The following PLD5 variants were observed in gnomAD, a reference collection of about 807,000 sequenced individuals.
PLD5 encodes the protein phospholipase D family member 5, also known as inactive phospholipase D5.
Under a neutral mutation model 61.1 loss-of-function variants are expected in PLD5, and 36 were observed. The ratio of observed to expected loss-of-function variants is 0.59; its 90% CI spans 0.45 to 0.78. The LOEUF is 0.78. Ranked by LOEUF, PLD5 falls within the 30% of genes least tolerant of loss-of-function variation. PLD5 has a pLI of 0.00. For missense variants in PLD5, 515 were observed against 644.4 expected (o/e 0.80, Z 2.17); for synonymous variants, 243 against 242.8 (o/e 1.00, Z -0.01).
chr1:242,382,973 T>C (rs1662386584), intron 1 of PLD5, among the ~76,000 whole-genome samples: 1 of 152,192 alleles, frequency 6.6e-6, no homozygotes, highest in South Asian at 2.1e-4. Context: ...AAGTGATAGC[T>C]TTCAGGACAG....
At chr1:242,289,593 T>C (rs556262385) in intron 2 of PLD5, among the ~76,000 whole-genome samples, 33 of 151,806 alleles carry the variant, frequency 2.2e-4, no homozygotes, top group Admixed American at 2.0e-3. Context: ...CCTCTCATGA[T>C]CCCCCCCTGC....
At chr1:242,458,066 G>T (rs900658225) in intron 1 of PLD5, among the ~76,000 whole-genome samples, 1 of 152,136 alleles carries the variant, frequency 6.6e-6, no homozygotes, top group African/African-American at 2.4e-5. Context: ...AACTTGGGCT[G>T]TCACACTACT....
intron 1 of PLD5, among the ~76,000 whole-genome samples, chr1:242,380,580 T>C (rs1005606499): frequency 1.3e-5 from 2 of 152,122 alleles, no homozygotes; most frequent in African/African-American, 4.8e-5. Context: ...CATTTATCTA[T>C]CTATGTATAT....
At chr1:242,404,875 A>ATTTTTTTTTGTTTTTTTTTTTTTTT (rs1664139989) in intron 1 of PLD5, among the ~76,000 whole-genome samples, 1 of 75,408 alleles carries the variant, frequency 1.3e-5, no homozygotes, top group African/African-American at 6.1e-5. Context: ...TTCCCTGCTA[A>ATTTTTTTTTGTTTTTTTTTTTTTTT]TTTTTTTTTT....
intron 4 of PLD5, among the ~76,000 whole-genome samples, chr1:242,236,979 A>G (rs1671676309): frequency 6.6e-6 from 1 of 152,252 alleles, no homozygotes; most frequent in Non-Finnish European, 1.5e-5. Flanking sequence ...AAAATAAAAA[A>G]GAATCCAGGA....
chr1:242,194,611 T>TA (rs1421619940), intron 5 of PLD5, among the ~76,000 whole-genome samples: 1 of 80,742 alleles, frequency 1.2e-5, no homozygotes, highest in African/African-American at 4.8e-5. Context: ...TCTATGTATC[T>TA]ATCTATGTAT....
intron 1 of PLD5, among the ~76,000 whole-genome samples, chr1:242,431,918 C>A (rs538618811): frequency 4.6e-5 from 7 of 152,082 alleles, no homozygotes; most frequent in African/African-American, 1.4e-4. Context: ...CTAATCCTAC[C>A]GTAAGAGGTA....
chr1:242,498,027 C>T (rs764182731), intron 1 of PLD5, among the ~76,000 whole-genome samples: 73 of 152,210 alleles, frequency 4.8e-4, no homozygotes, highest in African/African-American at 1.7e-3. Flanking sequence ...TGCAATGATG[C>T]GATCTCAGCT....
At chr1:242,127,941 C>G (rs1662927690) in intron 5 of PLD5, among the ~76,000 whole-genome samples, 1 of 152,146 alleles carries the variant, frequency 6.6e-6, no homozygotes, top group East Asian at 1.9e-4. Flanking sequence ...TTCACTTTTA[C>G]TATGTTCAGG....
intron 1 of PLD5, among the ~76,000 whole-genome samples, chr1:242,443,324 A>G (rs1210238007): frequency 6.6e-6 from 1 of 152,210 alleles, no homozygotes; most frequent in Non-Finnish European, 1.5e-5. Flanking sequence ...AAATCCAAAC[A>G]TGGCAAATTT....
chr1:242,290,841 T>C (rs1675316354), intron 2 of PLD5, among the ~76,000 whole-genome samples: 1 of 151,712 alleles, frequency 6.6e-6, no homozygotes, highest in Non-Finnish European at 1.5e-5. Flanking sequence ...TCTCCTCACA[T>C]GGGTTCCTGC....
intron 9 of PLD5, among the ~76,000 whole-genome samples, chr1:242,093,273 A>G (rs1418182287): frequency 2.0e-5 from 3 of 152,106 alleles, no homozygotes; most frequent in African/African-American, 4.8e-5. Flanking sequence ...CGGGATTAGT[A>G]GCTCCCGTGG....
intron 1 of PLD5, among the ~76,000 whole-genome samples, chr1:242,434,404 T>C (rs958085431): frequency 3.9e-5 from 6 of 152,138 alleles, no homozygotes; most frequent in Non-Finnish European, 8.8e-5. Flanking sequence ...GATCAAGACA[T>C]TGTTTTAGAC....
At chr1:242,106,936 G>T (rs1319237275) in intron 8 of PLD5, among the ~76,000 whole-genome samples, 1 of 152,142 alleles carries the variant, frequency 6.6e-6, no homozygotes, top group Non-Finnish European at 1.5e-5. Context: ...AGAGGGCGAC[G>T]AGGACTGGAG....
chr1:242,352,735 C>T (rs1660547921), intron 1 of PLD5, among the ~76,000 whole-genome samples: 1 of 152,172 alleles, frequency 6.6e-6, no homozygotes, highest in African/African-American at 2.4e-5. Flanking sequence ...ATGATAGCCA[C>T]TCTAACAGGT....
At chr1:242,261,133 T>C (rs1432206004) in intron 4 of PLD5, among the ~76,000 whole-genome samples, 3 of 152,166 alleles carry the variant, frequency 2.0e-5, no homozygotes, top group Non-Finnish European at 4.4e-5. Context: ...GTAACACATA[T>C]TATAAAGGCA....
intron 1 of PLD5, among the ~76,000 whole-genome samples, chr1:242,420,276 A>G (rs1452799169): frequency 6.6e-6 from 1 of 152,154 alleles, no homozygotes; most frequent in African/African-American, 2.4e-5. Flanking sequence ...TAAGCCCAGA[A>G]TGAAGGTCAG....
At chr1:242,254,232 G>A (rs766382643) in intron 4 of PLD5, among the ~76,000 whole-genome samples, 3 of 151,770 alleles carry the variant, frequency 2.0e-5, no homozygotes, top group East Asian at 3.9e-4. Context: ...AGCTATAGTG[G>A]ATGTCATTTA....
At chr1:242,380,358 G>T (rs1354571121) in intron 1 of PLD5, among the ~76,000 whole-genome samples, 2 of 152,148 alleles carry the variant, frequency 1.3e-5, no homozygotes, top group Admixed American at 1.3e-4. Flanking sequence ...GCACGACAAG[G>T]TGTTCCAGGC....
Sources: allele counts gnomAD v4.1 joint callset (sites outside exome capture counted in the v4.1 genomes callset), GRCh38; gene constraint gnomAD v4.1.1; transcripts MANE v1.5; gene names NCBI Gene and HGNC (gene_info 2026-07-23, HGNC 2026-07-21).